PHIP: variants seen among roughly 807,000 people sequenced by gnomAD.
PHIP encodes the protein PH-interacting protein.
A neutral mutation model predicts 236.8 loss-of-function variants in PHIP; 54 were observed. The observed-to-expected ratio is 0.23, with a 90% CI of 0.18 to 0.29. PHIP has a LOEUF of 0.29. Ranked by LOEUF, PHIP falls within the 10% of genes least tolerant of loss-of-function variation. PHIP has a pLI of 1.00. For synonymous variants in PHIP, 756 were observed against 718.9 expected, an observed-to-expected ratio of 1.05 and a Z score of -0.83; for missense variants, 1,370 against 2,190.8, an observed-to-expected ratio of 0.63 and a Z score of 7.48.
At chr6:79,058,190 G>C (rs1773170926) in intron 6 of PHIP, among the ~76,000 whole-genome samples, 1 of 151,958 alleles carries the variant, frequency 6.6e-6, no homozygotes. Context: ...TCACCTGCTT[G>C]GCAATTAATT....
intron 38 of PHIP, 95 bp from the exon 39 acceptor site, chr6:78,945,592 C>A: frequency 1.3e-6 from 1 of 780,280 alleles, no homozygotes; most frequent in Non-Finnish European, 2.1e-6. Context: ...GCCAAGACAA[C>A]AAAACCTGAA....
intron 24 of PHIP, among the ~76,000 whole-genome samples, chr6:78,977,427 A>C (rs1768177565): frequency 6.6e-6 from 1 of 152,170 alleles, no homozygotes; most frequent in African/African-American, 2.4e-5. Flanking sequence ...CTAATGCTAG[A>C]TGACGAGTTA....
intron 24 of PHIP, among the ~76,000 whole-genome samples, chr6:78,974,079 T>A (rs964756747): frequency 1.3e-5 from 2 of 152,154 alleles, no homozygotes; most frequent in African/African-American, 4.8e-5. Context: ...ATACATTTTT[T>A]TCAGCACCAC....
chr6:78,983,498 C>T (rs923626963), intron 22 of PHIP, among the ~76,000 whole-genome samples: 3 of 152,064 alleles, frequency 2.0e-5, no homozygotes, highest in African/African-American at 7.2e-5. Context: ...AAAGATAACC[C>T]TGGAGAGCAC....
chr6:78,945,236 C>A, intron 39 of PHIP, 64 bp downstream of exon 39: 1 of 1,215,916 alleles, frequency 8.2e-7, no homozygotes, highest in Non-Finnish European at 1.2e-6. Flanking sequence ...AATGCTGATT[C>A]CAACAAAAGC....
chr6:79,033,909 T>C (rs984866320), intron 7 of PHIP, among the ~76,000 whole-genome samples: 10 of 152,120 alleles, frequency 6.6e-5, no homozygotes, highest in South Asian at 2.1e-4. Flanking sequence ...GGGTTATTAA[T>C]TGGATTAATT....
intron 6 of PHIP, among the ~76,000 whole-genome samples, chr6:79,054,241 A>G (rs1772951710): frequency 1.3e-5 from 2 of 151,776 alleles, no homozygotes; most frequent in Non-Finnish European, 2.9e-5. Context: ...ATAAAACAAC[A>G]AAACCTGTGT....
chr6:78,949,010 T>C (rs1048089989), intron 35 of PHIP, among the ~76,000 whole-genome samples: 1 of 152,234 alleles, frequency 6.6e-6, no homozygotes, highest in Non-Finnish European at 1.5e-5. Context: ...GGCTAGAATT[T>C]CCAGTACTAC....
At position 79,019,001 on chromosome 6, in the gene PHIP, G is replaced by A. The variant is rs184381971; in HGVS notation, c.994+88C>T. The A allele has an allele frequency of 8.5e-4, 704 of 831,400 alleles. 3 individuals carry two copies. In the African/African-American group the frequency reaches 0.011, roughly 13 times the overall value. The allele number at this position is 831,400 out of a possible 1,614,324, so 51.5% of individuals were successfully genotyped here. A position where few individuals can be genotyped will look rare whatever the true frequency, so the allele number is the denominator to read the frequency against. Reference sequence around the variant, plus strand: ...TAAGAACATGATTGATAATACAACAGTAAATATTTTCCTAAATATTACACA... The same window carrying A: ...TAAGAACATGATTGATAATACAACAATAAATATTTTCCTAAATATTACACA... On this transcript the variant is annotated intron_variant, in intron 10 of 39. Transcript: ENST00000275034.
chr6:79,074,732 A>G (rs1774064676), intron 4 of PHIP, among the ~76,000 whole-genome samples: 1 of 152,138 alleles, frequency 6.6e-6, no homozygotes, highest in African/African-American at 2.4e-5. Context: ...TCACACTTGA[A>G]ATGAACGCAT....
At chr6:78,993,848 T>G (rs1379512313) in intron 19 of PHIP, among the ~76,000 whole-genome samples, 1 of 152,232 alleles carries the variant, frequency 6.6e-6, no homozygotes, top group Non-Finnish European at 1.5e-5. Flanking sequence ...TTTTCAAGTC[T>G]TTTTATTTAA....
intron 32 of PHIP, chr6:78,955,919 C>T (rs1766391243): frequency 3.7e-6 from 1 of 267,272 alleles, no homozygotes; most frequent in Middle Eastern, 1.0e-3. Context: ...TCTCATCTCC[C>T]AGTCTTTGCT....
intron 24 of PHIP, among the ~76,000 whole-genome samples, chr6:78,976,413 A>C (rs1454159278): frequency 8.7e-6 from 1 of 114,380 alleles, no homozygotes; most frequent in African/African-American, 3.3e-5. Context: ...ACCTAAAACC[A>C]TAAAAACCCT....
chr6:79,000,523 TA>T (rs1390749031), intron 17 of PHIP, among the ~76,000 whole-genome samples: 1 of 152,032 alleles, frequency 6.6e-6, no homozygotes, highest in East Asian at 1.9e-4. Flanking sequence ...ATTTAAAAAG[TA>T]ATAATAATAA....
chr6:78,988,608 T>A (rs1302833697), intron 20 of PHIP, among the ~76,000 whole-genome samples: 1 of 152,180 alleles, frequency 6.6e-6, no homozygotes, highest in Non-Finnish European at 1.5e-5. Flanking sequence ...CATTTGTTCA[T>A]ATTTAAGATA....
intron 23 of PHIP, among the ~76,000 whole-genome samples, chr6:78,981,718 T>C (rs1411621586): frequency 1.3e-5 from 2 of 152,002 alleles, no homozygotes; most frequent in African/African-American, 4.8e-5. Context: ...AAAAAGAATA[T>C]TTACCTAATT....
Position 79,018,721 on chromosome 6 carries a change from ACTATAGAATAC to A in PHIP, c.994+357_994+367del, listed in dbSNP as rs528222023. Among the ~76,000 whole-genome samples the A allele has an allele frequency of 1.8e-4, 28 of 152,108 alleles. No homozygotes were observed. In the East Asian group the frequency reaches 5.4e-3, roughly 29 times the overall value. ...ATATGAATCAAATTTATTTTACTTA[ACTATAGAATAC>A]CTTCAAAATCCATGAAAACATAAAC... On this transcript the variant is annotated intron_variant, in intron 10 of 39. Coordinates refer to ENST00000275034, the MANE Select transcript of PHIP (RefSeq NM_017934.7).
At chr6:78,953,457 GAATAC>G (rs1486293699) in intron 35 of PHIP, among the ~76,000 whole-genome samples, 1 of 152,052 alleles carries the variant, frequency 6.6e-6, no homozygotes, top group African/African-American at 2.4e-5. Flanking sequence ...TTTTTCAAAA[GAATAC>G]ATAGCTGAGC....
rs144262648 is a variant in PHIP, at chr6:78,997,503, G to A, written c.2112C>T (p.Asn704=). Reference sequence around the variant, plus strand: ...CTGTGGCTATTTCACTTCTTGGTGCGTTGCTGTGCATTTGCCGTACACCTT... The same window carrying A: ...CTGTGGCTATTTCACTTCTTGGTGCATTGCTGTGCATTTGCCGTACACCTT... ...QIEGVRQMHS[N]APRSEIATER... is the part of the protein sequence containing the mutation. Residue 704 remains asparagine, a synonymous_variant, in exon 19 of 40, where the codon AAC becomes AAT. Transcript: ENST00000275034. 6.7e-5 allele frequency: 108 copies of A among 1,613,936 alleles called. No individual in the cohort carries two copies. The African/African-American group carries it at 1.2e-3, about 18-fold the overall frequency.
Sources: gnomAD v4.1 joint callset for allele counts (sites outside exome capture counted in the v4.1 genomes callset) on GRCh38, gnomAD v4.1.1 for gene constraint, MANE v1.5 for transcripts, NCBI Gene and HGNC (gene_info 2026-07-23, HGNC 2026-07-21) for gene names.